The following ERC2 variants were observed in gnomAD, a reference collection of about 807,000 sequenced individuals.
ERC2 encodes the protein ELKS/RAB6-interacting/CAST family member 2.
ERC2 carries 42 observed loss-of-function variants against 114.8 expected under a neutral mutation model. That is an observed-to-expected ratio of 0.37 (90% CI 0.29 to 0.47). ERC2 has a LOEUF of 0.47. ERC2 is among the 20% of genes least tolerant of loss of function. The pLI, the probability that ERC2 is intolerant of heterozygous loss-of-function variation, is 0.99. For synonymous variants in ERC2, 454 were observed against 425.5 expected, an observed-to-expected ratio of 1.07 and a Z score of -0.82; for missense variants, 939 against 1,150.7, an observed-to-expected ratio of 0.82 and a Z score of 2.66.
At chr3:56,214,132 A>G (rs946161235) in intron 3 of ERC2, among the ~76,000 whole-genome samples, 2 of 152,214 alleles carry the variant, frequency 1.3e-5, no homozygotes, top group African/African-American at 2.4e-5. Context: ...AACGGAACAA[A>G]GCTGGACAGA....
intron 14 of ERC2, among the ~76,000 whole-genome samples, chr3:55,864,299 T>C (rs1418836246): frequency 1.3e-5 from 2 of 150,424 alleles, no homozygotes; most frequent in Non-Finnish European, 3.0e-5. Context: ...ATTATATATA[T>C]ATAATAGCTT....
intron 14 of ERC2, among the ~76,000 whole-genome samples, chr3:55,823,734 G>C (rs1423043398): frequency 2.0e-5 from 3 of 152,110 alleles, no homozygotes; most frequent in Admixed American, 6.5e-5. Context: ...TCATTTTCCA[G>C]ATCCCATCGC....
chr3:56,426,835 T>C (rs2061588119), intron 2 of ERC2, among the ~76,000 whole-genome samples: 1 of 152,154 alleles, frequency 6.6e-6, no homozygotes, highest in South Asian at 2.1e-4. Context: ...CACAGCATTA[T>C]TGCAGCAGTA....
intron 17 of ERC2, among the ~76,000 whole-genome samples, chr3:55,545,630 T>C (rs1559629143): frequency 6.6e-6 from 1 of 152,202 alleles, no homozygotes; most frequent in African/African-American, 2.4e-5. Context: ...ACAGAAAACC[T>C]CTGCCCTCCA....
chr3:55,862,999 G>A (rs937560322), intron 14 of ERC2, among the ~76,000 whole-genome samples: 5 of 152,106 alleles, frequency 3.3e-5, no homozygotes, highest in Non-Finnish European at 7.3e-5. Context: ...ATTAATGGGT[G>A]TCCTTTAAAC....
At chr3:55,550,880 G>A (rs1275475059) in intron 17 of ERC2, among the ~76,000 whole-genome samples, 1 of 151,954 alleles carries the variant, frequency 6.6e-6, no homozygotes, top group Non-Finnish European at 1.5e-5. Context: ...GCCGGGCGTG[G>A]TGGTGGGTGC....
intron 14 of ERC2, among the ~76,000 whole-genome samples, chr3:55,851,696 T>TA (rs1367677871): frequency 2.0e-5 from 3 of 151,298 alleles, no homozygotes; most frequent in Non-Finnish European, 4.4e-5. Flanking sequence ...ACCTAACTTT[T>TA]AAAAAATCCA....
At chr3:55,952,173 ACACACACTCTCTCTCTCTCTCT>A (rs2067598233) in intron 12 of ERC2, among the ~76,000 whole-genome samples, 3 of 56,022 alleles carry the variant, frequency 5.4e-5, no homozygotes, top group African/African-American at 1.2e-4. Flanking sequence ...ACACACACAC[ACACACACTCTCTCTCTCTCTCT>A]CTCTATATAT....
At chr3:56,239,596 A>G (rs1412728745) in intron 3 of ERC2, among the ~76,000 whole-genome samples, 1 of 152,240 alleles carries the variant, frequency 6.6e-6, no homozygotes, top group Non-Finnish European at 1.5e-5. Context: ...AGAAGTATTT[A>G]CTATTATTAC....
intron 3 of ERC2, among the ~76,000 whole-genome samples, chr3:56,212,557 AG>A (rs1448782872): frequency 6.6e-6 from 1 of 152,222 alleles, no homozygotes; most frequent in Non-Finnish European, 1.5e-5. Context: ...GATTCCTTAA[AG>A]AACTAAAAGT....
chr3:55,834,759 TC>T (rs1429067272), intron 14 of ERC2, among the ~76,000 whole-genome samples: 1 of 126,898 alleles, frequency 7.9e-6, no homozygotes, highest in East Asian at 2.3e-4. Flanking sequence ...ATAACTAAAC[TC>T]ACAGCAGAAC....
intron 17 of ERC2, among the ~76,000 whole-genome samples, chr3:55,587,674 C>T (rs1220842037): frequency 6.6e-6 from 1 of 152,218 alleles, no homozygotes; most frequent in Non-Finnish European, 1.5e-5. Context: ...GTGAAATCCA[C>T]ACCAGTAGAG....
intron 7 of ERC2, among the ~76,000 whole-genome samples, chr3:56,080,235 G>A (rs1208029730): frequency 6.6e-6 from 1 of 152,076 alleles, no homozygotes; most frequent in East Asian, 1.9e-4. Context: ...ACAAAATCAG[G>A]GTCCCCTATA....
chr3:55,705,191 A>C (rs1326708364), intron 15 of ERC2, among the ~76,000 whole-genome samples: 1 of 152,202 alleles, frequency 6.6e-6, no homozygotes, highest in East Asian at 1.9e-4. Context: ...GTTCAGAGGC[A>C]ACAGATCCCC....
At chr3:55,796,837 T>G (rs2070545793) in intron 14 of ERC2, among the ~76,000 whole-genome samples, 2 of 152,356 alleles carry the variant, frequency 1.3e-5, no homozygotes, top group South Asian at 4.1e-4. Context: ...ATTTACTATC[T>G]GGCCTTTTAA....
rs149079461 is a variant in ERC2 at position 56,020,823 on chromosome 3, G to A, written c.1642-1792C>T. 6.2e-4 allele frequency among the ~76,000 whole-genome samples: 94 copies of A among 152,204 alleles called. No homozygotes were observed. In the Middle Eastern group the frequency reaches 0.01, roughly 17 times the overall value. On this transcript the variant is annotated intron_variant, in intron 7 of 17. Coordinates refer to ENST00000288221, the MANE Select transcript of ERC2 (RefSeq NM_015576.3). ...TAGGCAGCAATTTCAAAGGACTTTG[G>A]GCACGAGAAATAGAGACCAAAGGAA...
intron 2 of ERC2, among the ~76,000 whole-genome samples, chr3:56,332,801 A>G (rs1013394497): frequency 6.6e-6 from 1 of 152,182 alleles, no homozygotes; most frequent in Non-Finnish European, 1.5e-5. Context: ...CAACAATGGA[A>G]ACTGTGTGTC....
At chr3:55,965,656 C>G (rs761865788) in intron 12 of ERC2, among the ~76,000 whole-genome samples, 12 of 152,180 alleles carry the variant, frequency 7.9e-5, no homozygotes, top group Non-Finnish European at 1.5e-4. Flanking sequence ...ATTAATGCAA[C>G]TTAAGGCATC....
At chr3:55,794,982 A>G (rs966100202) in intron 14 of ERC2, among the ~76,000 whole-genome samples, 1 of 152,196 alleles carries the variant, frequency 6.6e-6, no homozygotes, top group African/African-American at 2.4e-5. Flanking sequence ...CATAGGAAAT[A>G]AATGGTTGAT....
Sources: allele counts gnomAD v4.1 joint callset (sites outside exome capture counted in the v4.1 genomes callset), GRCh38; gene constraint gnomAD v4.1.1; transcripts MANE v1.5; gene names NCBI Gene and HGNC (gene_info 2026-07-23, HGNC 2026-07-21).